The following IQGAP2 variants were observed in gnomAD, a reference collection of about 807,000 sequenced individuals.
IQGAP2 encodes the protein IQ motif containing GTPase activating protein 2.
IQGAP2 carries 173 observed loss-of-function variants against 201.3 expected under a neutral mutation model. The observed-to-expected ratio is 0.86, with a 90% CI of 0.76 to 0.98. IQGAP2 has a LOEUF of 0.98. IQGAP2 is among the 50% of genes least tolerant of loss of function. The pLI, the probability that IQGAP2 is intolerant of heterozygous loss-of-function variation, is 0.00. For synonymous variants in IQGAP2, 675 were observed against 673.9 expected, an observed-to-expected ratio of 1.00 and a Z score of -0.03; for missense variants, 1,687 against 1,864.8, an observed-to-expected ratio of 0.90 and a Z score of 1.76.
intron 1 of IQGAP2, among the ~76,000 whole-genome samples, chr5:76,414,597 G>C (rs56181354): frequency 0.057 from 8,703 of 152,252 alleles, 559 homozygotes; most frequent in African/African-American, 0.16. Flanking sequence ...AAGGCAGGAG[G>C]ATTGCTTAAG....
intron 2 of IQGAP2, among the ~76,000 whole-genome samples, chr5:76,525,950 G>A (rs1322273634): frequency 6.6e-6 from 1 of 152,186 alleles, no homozygotes; most frequent in Non-Finnish European, 1.5e-5. Context: ...AATATCTGGT[G>A]GGTGGTCCAT....
At chr5:76,602,735 A>G (rs1172207219) in intron 11 of IQGAP2, among the ~76,000 whole-genome samples, 2 of 152,140 alleles carry the variant, frequency 1.3e-5, no homozygotes, top group Admixed American at 1.3e-4. Context: ...TCAGCATCTT[A>G]ACTTGGGATC....
chr5:76,481,976 G>A (rs1407197197), intron 2 of IQGAP2, among the ~76,000 whole-genome samples: 2 of 152,186 alleles, frequency 1.3e-5, no homozygotes, highest in African/African-American at 4.8e-5. Flanking sequence ...AGCTTTAAGA[G>A]AATAGAAACA....
At chr5:76,428,614 G>C (rs948364535) in intron 1 of IQGAP2, among the ~76,000 whole-genome samples, 1 of 150,638 alleles carries the variant, frequency 6.6e-6, no homozygotes, top group Non-Finnish European at 1.5e-5. Flanking sequence ...ATTTTTTTTA[G>C]TAGAGACGGG....
At chr5:76,441,332 C>G (rs1176946269) in intron 1 of IQGAP2, among the ~76,000 whole-genome samples, 2 of 152,178 alleles carry the variant, frequency 1.3e-5, no homozygotes, top group Admixed American at 6.5e-5. Flanking sequence ...ACTGTGTAAT[C>G]ACATTCATCT....
intron 2 of IQGAP2, among the ~76,000 whole-genome samples, chr5:76,464,152 A>G (rs750243513): frequency 6.6e-5 from 10 of 152,180 alleles, no homozygotes; most frequent in Non-Finnish European, 1.3e-4. Flanking sequence ...TACTCGGCCA[A>G]GACACAAATA....
intron 17 of IQGAP2, among the ~76,000 whole-genome samples, chr5:76,652,457 G>T (rs1230358811): frequency 1.3e-5 from 2 of 151,458 alleles, no homozygotes; most frequent in Non-Finnish European, 2.9e-5. Flanking sequence ...ACTCCTTTTT[G>T]CCACCCAGGG....
intron 28 of IQGAP2, among the ~76,000 whole-genome samples, chr5:76,678,481 T>C (rs1231707458): frequency 6.6e-6 from 1 of 152,108 alleles, no homozygotes; most frequent in Non-Finnish European, 1.5e-5. Flanking sequence ...TTAAGATCAA[T>C]TGGAACTTAT....
At chr5:76,487,626 T>C (rs888732640) in intron 2 of IQGAP2, among the ~76,000 whole-genome samples, 1 of 152,170 alleles carries the variant, frequency 6.6e-6, no homozygotes, top group South Asian at 2.1e-4. Flanking sequence ...TCACCACCCC[T>C]CCAGGCAGAT....
At chr5:76,634,384 G>A (rs547632302) in intron 15 of IQGAP2, among the ~76,000 whole-genome samples, 1 of 151,752 alleles carries the variant, frequency 6.6e-6, no homozygotes. Context: ...TCAGCCTCCC[G>A]AGTAGCTGGC....
chr5:76,573,909 C>G (rs555778993), intron 4 of IQGAP2, among the ~76,000 whole-genome samples: 2 of 152,018 alleles, frequency 1.3e-5, no homozygotes, highest in East Asian at 3.9e-4. Flanking sequence ...CCAGCTAATA[C>G]TCTTCTGAAT....
At chr5:76,438,031 GTTTGTT>G (rs373631738) in intron 1 of IQGAP2, among the ~76,000 whole-genome samples, 12,942 of 54,612 alleles carry the variant, frequency 0.24, 1,486 homozygotes, top group African/African-American at 0.44. Flanking sequence ...TTTTTTTTTT[GTTTGTT>G]TTTTTTTTTG....
intron 30 of IQGAP2, among the ~76,000 whole-genome samples, chr5:76,687,346 G>T (rs78591028): frequency 0.13 from 19,517 of 152,204 alleles, 1,686 homozygotes; most frequent in South Asian, 0.34. Flanking sequence ...TGCCCAAAAG[G>T]TTCAATAGAA....
chr5:76,702,541 G>C lies in IQGAP2; in HGVS notation c.4565G>C (p.Arg1522Thr). Residue 1522 changes from arginine to threonine, a missense_variant, in exon 35 of 36, where the codon AGA (arginine) becomes ACA (threonine). By Grantham distance (71) the Arg-to-Thr change is moderately conservative. Transcript: ENST00000274364. Reference sequence around the variant, plus strand: ...GAAGATGTAGGCATTTTCGATGTAAGATCAAAATTCCTTGGTGTTGAGATG... The same window carrying C: ...GAAGATGTAGGCATTTTCGATGTAACATCAAAATTCCTTGGTGTTGAGATG... ...ATEDVGIFDVRSKFLGVEMEK... is the reference protein window; with the variant it reads ...ATEDVGIFDVTSKFLGVEMEK... 1 of 1,602,176 alleles carries C rather than the reference G, an allele frequency of 6.2e-7. No homozygotes were observed. Among genetic ancestry groups the C allele is most frequent in the Non-Finnish European group, 8.6e-7 (1 of 1,169,182 alleles).
intron 2 of IQGAP2, among the ~76,000 whole-genome samples, chr5:76,527,678 T>C (rs1422774416): frequency 6.6e-6 from 1 of 152,250 alleles, no homozygotes; most frequent in African/African-American, 2.4e-5. Flanking sequence ...GCCTTGGCCA[T>C]CATTGTGATC....
chr5:76,540,845 A>G (rs1437801214), intron 2 of IQGAP2, among the ~76,000 whole-genome samples: 2 of 152,282 alleles, frequency 1.3e-5, no homozygotes, highest in South Asian at 2.1e-4. Context: ...CAAGGTTCCC[A>G]TGGAGTAAGA....
intron 1 of IQGAP2, among the ~76,000 whole-genome samples, chr5:76,436,513 ATATATTTTTTTTTTTT>A (rs1240447256): frequency 3.5e-4 from 8 of 22,588 alleles, no homozygotes; most frequent in South Asian, 2.7e-3. Context: ...ATATATATAT[ATATATTTTTTTTTTTT>A]TTTTTTTTTT....
chr5:76,536,065 C>CTT lies in IQGAP2; in HGVS notation c.147-26315_147-26314dup, dbSNP rs545584812. Reference sequence around the variant, plus strand: ...TTACCTGGCTTTCCAGGAGCATATTCTTTTTTTTTTTTTTTTTGAGATGGC... The same window carrying CTT: ...TTACCTGGCTTTCCAGGAGCATATTCTTTTTTTTTTTTTTTTTTTGAGATGGC... On this transcript the variant is annotated intron_variant, in intron 2 of 35. Transcript: ENST00000274364. 1.1e-3 allele frequency among the ~76,000 whole-genome samples: 138 copies of CTT among 123,716 alleles called. 6 individuals are homozygous for CTT. Among genetic ancestry groups the CTT allele is most frequent in the African/African-American group, 3.5e-3 (113 of 32,020 alleles). 81.2% of individuals were successfully genotyped at this position (123,716 alleles called of 152,430 possible). A position where few individuals can be genotyped will look rare whatever the true frequency, so the allele number is the denominator to read the frequency against.
chr5:76,561,498 A>G (rs992137301), intron 2 of IQGAP2, among the ~76,000 whole-genome samples: 1 of 152,178 alleles, frequency 6.6e-6, no homozygotes, highest in Non-Finnish European at 1.5e-5. Context: ...GCTCACGCTA[A>G]TAGTTGGATT....
Sources: allele counts gnomAD v4.1 joint callset (sites outside exome capture counted in the v4.1 genomes callset), GRCh38; gene constraint gnomAD v4.1.1; transcripts MANE v1.5; gene names NCBI Gene and HGNC (gene_info 2026-07-23, HGNC 2026-07-21).